CHRNA3: variants seen among roughly 807,000 people sequenced by gnomAD.
CHRNA3 encodes the protein cholinergic receptor nicotinic alpha 3 subunit.
Under a neutral mutation model 41.9 loss-of-function variants are expected in CHRNA3, and 34 were observed. That is an observed-to-expected ratio of 0.81 (90% CI 0.62 to 1.08). CHRNA3 has a LOEUF of 1.08. Ranked by LOEUF, CHRNA3 falls within the 50% of genes least tolerant of loss-of-function variation. The pLI is 0.00. For synonymous variants in CHRNA3, 281 were observed against 265.2 expected (o/e 1.06, Z -0.58); for missense variants, 542 against 638.3 (o/e 0.85, Z 1.63).
At chr15:78,610,488 C>A (rs1438406683) in intron 4 of CHRNA3, among the ~76,000 whole-genome samples, 2 of 152,006 alleles carry the variant, frequency 1.3e-5, no homozygotes, top group African/African-American at 2.4e-5. Flanking sequence ...GGGTACATAA[C>A]GAAAGGTAGG....
rs60706203 is a variant in CHRNA3, at chr15:78,620,725, ACAG to A, written c.67_69del (p.Leu23del). The A allele has an allele frequency of 0.6, 864,284 of 1,445,840 alleles. 238,162 individuals carry two copies. The highest frequency in any genetic ancestry group is 0.77 in the East Asian group (26,146 of 34,060). The allele number at this position is 1,445,840 out of a possible 1,614,324, so 89.6% of individuals were successfully genotyped here. On this transcript the variant is annotated inframe_deletion, in exon 1 of 6. Coordinates refer to ENST00000326828, the MANE Select transcript of CHRNA3 (RefSeq NM_000743.5). ...CCTGTGCGCGTACCTGGCAGCAGAG[ACAG>A]CAGCAGCAGCAGCAGCAGCCGCGGC...
intron 5 of CHRNA3, among the ~76,000 whole-genome samples, chr15:78,597,857 A>G (rs2053137420): frequency 6.6e-6 from 1 of 152,222 alleles, no homozygotes; most frequent in Non-Finnish European, 1.5e-5. Context: ...GTATACTGAA[A>G]TGGCGCTGGG....
rs2053148426 is a variant in CHRNA3 at position 78,598,561 on chromosome 15, A to G, written c.1390-1829T>C. 2.0e-5 allele frequency among the ~76,000 whole-genome samples: 3 copies of G among 151,894 alleles called. No homozygotes were observed. In the South Asian group the frequency reaches 6.3e-4, roughly 32 times the overall value. ...AGGTGTGTGTCACTACACTTGGGCA[A>G]TTTTTTGTTTTTTGAGACGCCCAGG... is the stretch of plus-strand genomic sequence containing the variant. On this transcript the variant is annotated intron_variant, in intron 5 of 5. Coordinates refer to ENST00000326828, the MANE Select transcript of CHRNA3 (RefSeq NM_000743.5).
chr15:78,600,055 A>G (rs2053173822), intron 5 of CHRNA3: 1 of 151,278 alleles, frequency 6.6e-6, no homozygotes, highest in Non-Finnish European at 1.5e-5. Flanking sequence ...TCAATTATCA[A>G]ATAAGTCAGT....
chr15:78,612,957 A>G (rs1360652588), intron 4 of CHRNA3, among the ~76,000 whole-genome samples: 1 of 152,156 alleles, frequency 6.6e-6, no homozygotes, highest in East Asian at 1.9e-4. Flanking sequence ...CAGCCAAAAA[A>G]CACATGAAAA....
In CHRNA3 at chr15:78,601,758, G is replaced by A; in HGVS notation, c.884C>T (p.Pro295Leu). The A allele has an allele frequency of 6.2e-7, 1 of 1,614,170 alleles. No homozygotes were observed. Reference protein sequence around the residue: ...VFLLVITETIPSTSLVIPLIG... With the variant: ...VFLLVITETILSTSLVIPLIG... Reference sequence around the variant, plus strand: ...CAGGGGGATGACCAGCGAGGTGGAAGGGATGGTCTCAGTGATCACCAGGAG... The same window carrying A: ...CAGGGGGATGACCAGCGAGGTGGAAAGGATGGTCTCAGTGATCACCAGGAG... The change falls in exon 5 of 6, where the codon CCT becomes CTT. Residue 295 changes from proline to leucine, a missense_variant. Coordinates refer to ENST00000326828, the MANE Select transcript of CHRNA3 (RefSeq NM_000743.5).
In CHRNA3 at chr15:78,602,916, C is replaced by T. The variant is rs2053228360; in HGVS notation, c.378-652G>A. ...TGCTTCCTTGTCTTTCGAATTCAGC[C>T]TAACAGGTTTCTTCACTTTCTGTGT... On this transcript the variant is annotated intron_variant, in intron 4 of 5. Transcript: ENST00000326828. Among the ~76,000 whole-genome samples the T allele has an allele frequency of 5.3e-5, 8 of 152,314 alleles. 1 individual carries two copies. In the South Asian group the frequency reaches 1.4e-3, roughly 28 times the overall value.
In CHRNA3 at chr15:78,601,415, C is replaced by T. The variant is rs753776930; in HGVS notation, c.1227G>A (p.Arg409=). 1 of 1,614,196 alleles carries T rather than the reference C, an allele frequency of 6.2e-7. No individual in the cohort carries two copies. The highest frequency in any genetic ancestry group is 8.5e-7 in the Non-Finnish European group (1 of 1,180,042). The change falls in exon 5 of 6, where the codon AGG becomes AGA. Residue 409 remains arginine, a synonymous_variant. Transcript: ENST00000326828. ...DGMCGYCHHR[R]IKISNFSANL... ...TAGCACTGAAATTGGAGATTTTTAT[C>T]CTGCGGTGGTGGCAGTAACCACACA...
At chr15:78,612,140 C>T (rs2053389114) in intron 4 of CHRNA3, among the ~76,000 whole-genome samples, 1 of 152,042 alleles carries the variant, frequency 6.6e-6, no homozygotes, top group African/African-American at 2.4e-5. Flanking sequence ...GGCCATACTG[C>T]CCAAGGTAAT....
intron 4 of CHRNA3, among the ~76,000 whole-genome samples, chr15:78,605,358 T>A (rs1463760065): frequency 1.3e-5 from 2 of 152,122 alleles, no homozygotes; most frequent in Non-Finnish European, 1.5e-5. Context: ...GAGTGTGCGG[T>A]CAGACCACCA....
intron 4 of CHRNA3, among the ~76,000 whole-genome samples, chr15:78,610,452 G>A (rs1306351162): frequency 6.6e-6 from 1 of 152,080 alleles, no homozygotes; most frequent in East Asian, 1.9e-4. Context: ...CATGGAAACT[G>A]AACAATCTGC....
intron 4 of CHRNA3, among the ~76,000 whole-genome samples, chr15:78,613,328 C>A (rs1326927733): frequency 6.6e-6 from 1 of 151,240 alleles, no homozygotes; most frequent in African/African-American, 2.4e-5. Context: ...CCCAAATGTC[C>A]AACAAGGATA....
Position 78,602,187 on chromosome 15 carries a change from G to A in CHRNA3, c.455C>T (p.Pro152Leu), listed in dbSNP as rs112696857. ...TTTACAGGAGCTCTTAAAGATGGCCGGAGGTATCCAAGTCACCTCCCCAGT... is the reference window on the plus strand; with the variant it reads ...TTTACAGGAGCTCTTAAAGATGGCCAGAGGTATCCAAGTCACCTCCCCAGT... ...KYTGEVTWIPPAIFKSSCKID... is the reference protein window; with the variant it reads ...KYTGEVTWIPLAIFKSSCKID... The change falls in exon 5 of 6, where the codon CCG becomes CTG. Residue 152 changes from proline to leucine, a missense_variant. Pro to Leu is a moderately conservative substitution (Grantham distance 98). Coordinates refer to ENST00000326828, the MANE Select transcript of CHRNA3 (RefSeq NM_000743.5). 7 of 1,613,936 alleles carry A rather than the reference G, an allele frequency of 4.3e-6. No individual in the cohort carries two copies. The highest frequency in any genetic ancestry group is 4.2e-6 in the Non-Finnish European group (5 of 1,180,012).
Position 78,617,002 on chromosome 15 carries a change from C to T in CHRNA3, c.377+22G>A, listed in dbSNP as rs373499423. On this transcript the variant is annotated intron_variant, in intron 4 of 5. Coordinates refer to ENST00000326828, the MANE Select transcript of CHRNA3 (RefSeq NM_000743.5). The stretch of plus-strand genomic sequence containing the variant: ...GCCCAGGCTGACAGCCCTGAGAGGG[C>T]GTGGGCCCCCCAGCACCTTACTTGT... 17 of 1,561,442 alleles carry T rather than the reference C, an allele frequency of 1.1e-5. No individual in the cohort carries two copies. The African/African-American group carries it at 1.6e-4, about 15-fold the overall frequency.
intron 4 of CHRNA3, among the ~76,000 whole-genome samples, chr15:78,609,622 A>T (rs1018571197): frequency 2.0e-5 from 3 of 152,192 alleles, no homozygotes; most frequent in Admixed American, 6.6e-5. Context: ...CACTGCAAAA[A>T]CATGCCAAAA....
intron 5 of CHRNA3, among the ~76,000 whole-genome samples, chr15:78,597,375 G>A (rs375805023): frequency 6.6e-6 from 1 of 152,220 alleles, no homozygotes; most frequent in Admixed American, 6.5e-5. Flanking sequence ...AGGTTGCAGT[G>A]AGCAGAGATC....
chr15:78,618,575 T>A (rs1247581325), intron 3 of CHRNA3, 42 bp downstream of exon 3: 1 of 1,612,252 alleles, frequency 6.2e-7, no homozygotes, highest in East Asian at 2.2e-5. Flanking sequence ...AATAAAACAG[T>A]CACCACCAGG....
chr15:78,614,472 A>G (rs1209538157), intron 4 of CHRNA3, among the ~76,000 whole-genome samples: 1 of 152,246 alleles, frequency 6.6e-6, no homozygotes, highest in Non-Finnish European at 1.5e-5. Context: ...AAAACAGTAA[A>G]TAAAACATGG....
In CHRNA3 at chr15:78,596,365, T is replaced by C; in HGVS notation, c.*239A>G. Reference sequence around the variant, plus strand: ...AGCATAGCATACTAATCACATAGAATCACATTTTGACATCTCTTTACCATA... The same window carrying C: ...AGCATAGCATACTAATCACATAGAACCACATTTTGACATCTCTTTACCATA... On this transcript the variant is annotated 3_prime_UTR_variant, in exon 6 of 6. Coordinates refer to ENST00000326828, the MANE Select transcript of CHRNA3 (RefSeq NM_000743.5). The C allele has an allele frequency of 8.6e-7, 1 of 1,159,240 alleles. No homozygotes were observed. Among genetic ancestry groups the C allele is most frequent in the Non-Finnish European group, 1.1e-6 (1 of 940,400 alleles). 71.8% of individuals were successfully genotyped at this position (1,159,240 alleles called of 1,614,324 possible).
Sources: allele counts gnomAD v4.1 joint callset (sites outside exome capture counted in the v4.1 genomes callset), GRCh38; gene constraint gnomAD v4.1.1; transcripts MANE v1.5; gene names NCBI Gene and HGNC (gene_info 2026-07-23, HGNC 2026-07-21).